The following VEPH1 variants were observed in gnomAD, a reference collection of about 807,000 sequenced individuals.
The protein encoded by VEPH1 is ventricular zone-expressed PH domain-containing protein homolog 1.
In VEPH1, 80 loss-of-function variants were observed where a neutral mutation model predicts 85.2. That is an observed-to-expected ratio of 0.94 (90% CI 0.78 to 1.13). The LOEUF (loss-of-function observed/expected upper bound fraction) is 1.13, where lower values mean the gene tolerates loss of function less well. VEPH1 is among the 50% of genes most tolerant of loss of function. The probability of loss-of-function intolerance (pLI) is 0.00; values close to 1 mark genes in which losing one functional copy is unlikely to be tolerated. For missense variants in VEPH1, 955 were observed against 980.5 expected (o/e 0.97, Z 0.35); for synonymous variants, 297 against 348.0 (o/e 0.85, Z 1.63).
At chr3:157,388,891 A>G (rs986145310) in intron 6 of VEPH1, among the ~76,000 whole-genome samples, 1 of 152,144 alleles carries the variant, frequency 6.6e-6, no homozygotes, top group Non-Finnish European at 1.5e-5. Context: ...GTATCCTTGG[A>G]TTTTGGTATC....
At position 157,329,757 on chromosome 3, in the gene VEPH1, A is replaced by G. The variant is rs557595682; in HGVS notation, c.1736-12556T>C. On this transcript the variant is annotated intron_variant, in intron 9 of 13. Coordinates refer to ENST00000362010, the MANE Select transcript of VEPH1 (RefSeq NM_001167912.2). The stretch of plus-strand genomic sequence containing the variant: ...TCAACCTTCTAGCAGTAAATTGGAA[A>G]CAGCTGGTTATATATTTTGTCCTAT... Among the ~76,000 whole-genome samples the G allele has an allele frequency of 5.6e-4, 85 of 152,310 alleles. 1 individual carries two copies. In the South Asian group the frequency reaches 0.015, roughly 27 times the overall value.
At chr3:157,463,858 G>A (rs894934943) in intron 3 of VEPH1, among the ~76,000 whole-genome samples, 10 of 152,316 alleles carry the variant, frequency 6.6e-5, no homozygotes, top group South Asian at 6.2e-4. Context: ...AATCAGGTCA[G>A]AGCAGAGAGA....
At chr3:157,418,553 G>A (rs751831035) in intron 5 of VEPH1, among the ~76,000 whole-genome samples, 2 of 152,168 alleles carry the variant, frequency 1.3e-5, no homozygotes, top group African/African-American at 2.4e-5. Flanking sequence ...GAAGCAAAGA[G>A]CCAAATCATG....
At chr3:157,373,772 T>C (rs1266442824) in intron 7 of VEPH1, among the ~76,000 whole-genome samples, 2 of 152,128 alleles carry the variant, frequency 1.3e-5, no homozygotes, top group Non-Finnish European at 2.9e-5. Context: ...AAAAGCTTTC[T>C]TTTTTTGTGT....
chr3:157,438,286 C>T (rs1008874269), intron 4 of VEPH1, among the ~76,000 whole-genome samples: 3 of 152,082 alleles, frequency 2.0e-5, no homozygotes, highest in Non-Finnish European at 2.9e-5. Flanking sequence ...ATCCCTCTTG[C>T]CGCCCAGCTT....
chr3:157,498,126 G>A (rs1739820551), intron 1 of VEPH1, among the ~76,000 whole-genome samples: 1 of 152,178 alleles, frequency 6.6e-6, no homozygotes, highest in African/African-American at 2.4e-5. Context: ...GCACCTTTAG[G>A]ATAGCTAAGA....
chr3:157,378,119 C>A (rs956208748), intron 7 of VEPH1, among the ~76,000 whole-genome samples: 1 of 151,848 alleles, frequency 6.6e-6, no homozygotes, highest in South Asian at 2.1e-4. Context: ...CCCTCAAATA[C>A]CAGCTGCAGA....
chr3:157,467,125 A>ATGTGTGTG (rs57109409), intron 3 of VEPH1, among the ~76,000 whole-genome samples: 31,988 of 145,272 alleles, frequency 0.22, 3,616 homozygotes, highest in South Asian at 0.34. Flanking sequence ...GTGTGTGTGT[A>ATGTGTGTG]TGTGTGTGTG....
rs78904441 is a variant in VEPH1 at position 157,277,283 on chromosome 3, G to A, written c.2128+9274C>T. ...TACTGAGTCTCATTAATAAGATCGC[G>A]TGGATAGATATTACTGATGGGATCT... is the stretch of plus-strand genomic sequence containing the variant. On this transcript the variant is annotated intron_variant, in intron 12 of 13. Transcript: ENST00000362010. Among the ~76,000 whole-genome samples the A allele has an allele frequency of 5.7e-3, 862 of 152,274 alleles. 15 individuals carry two copies. Among genetic ancestry groups the A allele is most frequent in the African/African-American group, 0.019 (810 of 41,552 alleles).
In VEPH1 at chr3:157,317,092, T is replaced by C; in HGVS notation, c.1845A>G (p.Pro615=). Residue 615 remains proline, a synonymous_variant, in exon 10 of 14, where the codon CCA becomes CCG. Coordinates refer to ENST00000362010, the MANE Select transcript of VEPH1 (RefSeq NM_001167912.2). ...SFILISQEPQ[P]WIQIMFLFQQ... ...GAAATAGAAACATGATCTGGATCCA[T>C]GGCTGAGGTTCTTGGCTGATGAGAA... 1 of 1,613,192 alleles carries C rather than the reference T, an allele frequency of 6.2e-7. No individual in the cohort carries two copies. Among genetic ancestry groups the C allele is most frequent in the Non-Finnish European group, 8.5e-7 (1 of 1,179,490 alleles).
intron 12 of VEPH1, among the ~76,000 whole-genome samples, chr3:157,285,720 G>C (rs535248294): frequency 6.6e-6 from 1 of 152,162 alleles, no homozygotes. Flanking sequence ...TTGGATATAG[G>C]CTTATTAGCA....
intron 11 of VEPH1, among the ~76,000 whole-genome samples, chr3:157,296,100 G>T (rs571880237): frequency 6.6e-6 from 1 of 152,146 alleles, no homozygotes; most frequent in African/African-American, 2.4e-5. Flanking sequence ...CATTGCAAAA[G>T]ATATGTGCCA....
intron 4 of VEPH1, among the ~76,000 whole-genome samples, chr3:157,456,844 C>T (rs180885132): frequency 2.6e-5 from 4 of 152,156 alleles, no homozygotes; most frequent in Non-Finnish European, 5.9e-5. Context: ...TTAGGATTGC[C>T]TTGGCTATTC....
intron 9 of VEPH1, among the ~76,000 whole-genome samples, chr3:157,318,883 A>C (rs1284026014): frequency 6.6e-6 from 1 of 152,114 alleles, no homozygotes; most frequent in Non-Finnish European, 1.5e-5. Flanking sequence ...ACGTCTCTAA[A>C]AGCAAACAAA....
chr3:157,408,867 A>G (rs1731329606), intron 6 of VEPH1, among the ~76,000 whole-genome samples: 1 of 152,126 alleles, frequency 6.6e-6, no homozygotes, highest in Non-Finnish European at 1.5e-5. Flanking sequence ...ATGTAGGGGA[A>G]TGAAGTAGAC....
intron 6 of VEPH1, among the ~76,000 whole-genome samples, chr3:157,412,533 C>T (rs1250578604): frequency 6.6e-6 from 1 of 152,144 alleles, no homozygotes; most frequent in Non-Finnish European, 1.5e-5. Context: ...TCAGCAGATT[C>T]AGTTAAACAG....
At chr3:157,483,726 A>G (rs1738353705) in intron 2 of VEPH1, among the ~76,000 whole-genome samples, 1 of 152,134 alleles carries the variant, frequency 6.6e-6, no homozygotes, top group Admixed American at 6.6e-5. Context: ...AGATCAAGAA[A>G]TATTGAAGAT....
Position 157,317,104 on chromosome 3 carries a change from T to C in VEPH1, c.1833A>G (p.Gln611=). The C allele has an allele frequency of 1.2e-6, 2 of 1,613,674 alleles. No homozygotes were observed. The highest frequency in any genetic ancestry group is 1.7e-5 in the Admixed American group (1 of 59,988). The part of the protein sequence containing the change: ...YSKSSFILIS[Q]EPQPWIQIMF... The stretch of plus-strand genomic sequence containing the variant: ...TGATCTGGATCCATGGCTGAGGTTC[T>C]TGGCTGATGAGAATAAAACTGGACT... Residue 611 remains glutamine (Q), a synonymous_variant, in exon 10 of 14, where the codon CAA becomes CAG. Coordinates refer to ENST00000362010, the MANE Select transcript of VEPH1 (RefSeq NM_001167912.2).
At chr3:157,386,488 G>C (rs1560018966) in intron 6 of VEPH1, among the ~76,000 whole-genome samples, 1 of 152,088 alleles carries the variant, frequency 6.6e-6, no homozygotes, top group African/African-American at 2.4e-5. Flanking sequence ...TGGTTTCCAG[G>C]GGGAGGCAGT....
Sources: allele counts gnomAD v4.1 joint callset (sites outside exome capture counted in the v4.1 genomes callset), GRCh38; gene constraint gnomAD v4.1.1; transcripts MANE v1.5; gene names NCBI Gene and HGNC (gene_info 2026-07-23, HGNC 2026-07-21).